Variants in PRKG1 observed in about 807,000 individuals in gnomAD.
The protein encoded by PRKG1 is protein kinase cGMP-dependent 1.
Under a neutral mutation model 88.1 loss-of-function variants are expected in PRKG1, and 35 were observed. That is an observed-to-expected ratio of 0.40 (90% CI 0.30 to 0.53). The LOEUF (loss-of-function observed/expected upper bound fraction) is 0.53. Among genes scored for constraint, PRKG1 ranks in the 20% least tolerant of loss-of-function variants. The pLI is 0.59. For missense variants in PRKG1, 540 were observed against 839.8 expected, an observed-to-expected ratio of 0.64 and a Z score of 4.41; for synonymous variants, 303 against 292.5, an observed-to-expected ratio of 1.04 and a Z score of -0.37.
rs193241689 is a variant in PRKG1, at chr10:51,601,022, G to A, written c.592+133186G>A. 2.5e-3 allele frequency among the ~76,000 whole-genome samples: 377 copies of A among 151,688 alleles called. 1 individual carries two copies. The highest frequency in any genetic ancestry group is 8.7e-3 in the African/African-American group (361 of 41,332). On this transcript the variant is annotated intron_variant, in intron 3 of 17. Coordinates refer to ENST00000373980, the MANE Select transcript of PRKG1 (RefSeq NM_006258.4). ...GGGGGAGGGGGAAAAGAAGAAGGGA[G>A]GGAGGGAGAGAGGAAAGAAGGAGGG...
chr10:51,338,413 T>TA (rs1306597405), intron 2 of PRKG1, among the ~76,000 whole-genome samples: 2 of 151,968 alleles, frequency 1.3e-5, no homozygotes, highest in Non-Finnish European at 2.9e-5. Context: ...GAACTTAAAA[T>TA]AAAAAATTAA....
Position 51,627,929 on chromosome 10 carries a change from TCTTCCTTCCTTC to T in PRKG1, c.592+160097_592+160108del, listed in dbSNP as rs1193939359. On this transcript the variant is annotated intron_variant, in intron 3 of 17. Coordinates refer to ENST00000373980, the MANE Select transcript of PRKG1 (RefSeq NM_006258.4). ...CTTCCTTCCCTTCCTTCCCTTCCTT[TCTTCCTTCCTTC>T]CTTTCTTTCTTTCTTTCTTTCTTTC... Among the ~76,000 whole-genome samples, 236 of 41,592 alleles carry T rather than the reference TCTTCCTTCCTTC, an allele frequency of 5.7e-3. 4 individuals carry two copies. Among genetic ancestry groups the T allele is most frequent in the Middle Eastern group, 0.014 (1 of 72 alleles). 27.3% of individuals were successfully genotyped at this position (41,592 alleles called of 152,430 possible).
intron 4 of PRKG1, among the ~76,000 whole-genome samples, chr10:51,824,828 A>C (rs1353561740): frequency 6.6e-6 from 1 of 152,022 alleles, no homozygotes; most frequent in Non-Finnish European, 1.5e-5. Flanking sequence ...GGAGATCACC[A>C]AGCTATTCAT....
At chr10:51,135,069 T>C (rs1322497205) in intron 1 of PRKG1, among the ~76,000 whole-genome samples, 1 of 152,182 alleles carries the variant, frequency 6.6e-6, no homozygotes, top group Non-Finnish European at 1.5e-5. Flanking sequence ...GGGAATATAT[T>C]GAACAAATAA....
chr10:51,768,903 CCTGA>C (rs1449093915), intron 3 of PRKG1, among the ~76,000 whole-genome samples: 4 of 151,940 alleles, frequency 2.6e-5, no homozygotes, highest in African/African-American at 4.8e-5. Context: ...TGTAACCCAC[CCTGA>C]CTATTAATAT....
At chr10:51,342,363 C>T (rs927722134) in intron 2 of PRKG1, among the ~76,000 whole-genome samples, 12 of 152,070 alleles carry the variant, frequency 7.9e-5, no homozygotes, top group African/African-American at 2.9e-4. Flanking sequence ...AGAGAAATAG[C>T]TCAATTTTTT....
At chr10:51,897,229 T>C (rs1451264778) in intron 4 of PRKG1, among the ~76,000 whole-genome samples, 1 of 152,220 alleles carries the variant, frequency 6.6e-6, no homozygotes, top group Non-Finnish European at 1.5e-5. Flanking sequence ...TCAATATGGA[T>C]TGATTTTTTT....
intron 7 of PRKG1, among the ~76,000 whole-genome samples, chr10:52,072,157 G>GC (rs1001288587): frequency 9.0e-5 from 1 of 11,054 alleles, no homozygotes; most frequent in African/African-American, 2.4e-4. Flanking sequence ...TTATTGTTTT[G>GC]CTTTTTTTTT....
At chr10:51,832,704 A>G (rs1436575909) in intron 4 of PRKG1, among the ~76,000 whole-genome samples, 4 of 152,158 alleles carry the variant, frequency 2.6e-5, no homozygotes, top group Non-Finnish European at 5.9e-5. Flanking sequence ...TATAGCTTAA[A>G]GAAGGGTCCC....
chr10:52,029,371 T>A (rs904606477), intron 5 of PRKG1, among the ~76,000 whole-genome samples: 8 of 152,170 alleles, frequency 5.3e-5, no homozygotes, highest in African/African-American at 1.9e-4. Context: ...AAAGTGCTAT[T>A]AGAGAGGACA....
At chr10:52,280,154 C>T (rs1841970366) in intron 12 of PRKG1, among the ~76,000 whole-genome samples, 1 of 152,000 alleles carries the variant, frequency 6.6e-6, no homozygotes, top group African/African-American at 2.4e-5. Context: ...ATCTTTTCCC[C>T]TTAATAAGAA....
chr10:51,647,123 G>C (rs1480424150), intron 3 of PRKG1, among the ~76,000 whole-genome samples: 1 of 149,176 alleles, frequency 6.7e-6, no homozygotes, highest in East Asian at 2.0e-4. Context: ...CAGATTGTTG[G>C]AGAGCCAGTG....
chr10:51,141,082 A>G (rs1410282041), intron 1 of PRKG1, among the ~76,000 whole-genome samples: 9 of 152,182 alleles, frequency 5.9e-5, no homozygotes, highest in Admixed American at 5.9e-4. Context: ...TCAGTGTCCC[A>G]CAACCTCGGG....
At position 52,136,770 on chromosome 10, in the gene PRKG1, A is replaced by G. The variant is rs2001332; in HGVS notation, c.1001+2865A>G. On this transcript the variant is annotated intron_variant, in intron 8 of 17. Transcript: ENST00000373980. ...ATAAATATGCCCTTCCTCTTCTTACAGAAGGCATAGGATTCCCTTGGATTT... is the reference window on the plus strand; with the variant it reads ...ATAAATATGCCCTTCCTCTTCTTACGGAAGGCATAGGATTCCCTTGGATTT... Among the ~76,000 whole-genome samples the G allele has an allele frequency of 3.6e-3, 544 of 152,192 alleles. 3 individuals carry two copies. Among genetic ancestry groups the G allele is most frequent in the African/African-American group, 0.012 (490 of 41,572 alleles).
At chr10:51,896,472 G>A (rs1244141359) in intron 4 of PRKG1, among the ~76,000 whole-genome samples, 2 of 151,726 alleles carry the variant, frequency 1.3e-5, no homozygotes, top group Non-Finnish European at 2.9e-5. Flanking sequence ...ACTTTGGGAG[G>A]TTGAGGCAGA....
At chr10:51,614,011 G>A (rs1358562594) in intron 3 of PRKG1, among the ~76,000 whole-genome samples, 5 of 151,942 alleles carry the variant, frequency 3.3e-5, no homozygotes, top group East Asian at 1.9e-4. Context: ...GGTCCCTTTC[G>A]TCTAAAGTCC....
intron 2 of PRKG1, among the ~76,000 whole-genome samples, chr10:51,307,836 A>T (rs960584201): frequency 1.3e-5 from 2 of 152,252 alleles, no homozygotes; most frequent in East Asian, 3.9e-4. Context: ...TCTGTGTATT[A>T]AGAGCAGATT....
chr10:52,048,131 A>T (rs1044528102), intron 5 of PRKG1, among the ~76,000 whole-genome samples: 1 of 152,110 alleles, frequency 6.6e-6, no homozygotes, highest in South Asian at 2.1e-4. Flanking sequence ...CCTGAATTAC[A>T]TATGACCTGA....
intron 3 of PRKG1, among the ~76,000 whole-genome samples, chr10:51,644,135 T>A (rs1839864098): frequency 6.6e-6 from 1 of 152,210 alleles, no homozygotes; most frequent in Non-Finnish European, 1.5e-5. Flanking sequence ...TATCACAGAA[T>A]TTTGAGTCAG....
Sources: allele counts gnomAD v4.1 joint callset (sites outside exome capture counted in the v4.1 genomes callset), GRCh38; gene constraint gnomAD v4.1.1; transcripts MANE v1.5; gene names NCBI Gene and HGNC (gene_info 2026-07-23, HGNC 2026-07-21).